The following DISP3 variants were observed in gnomAD, a reference collection of about 807,000 sequenced individuals.
DISP3 encodes the protein dispatched RND transporter family member 3, also known as protein dispatched homolog 3.
Under a neutral mutation model 135.3 loss-of-function variants are expected in DISP3, and 101 were observed. The observed-to-expected ratio is 0.75, with a 90% CI of 0.64 to 0.88. The LOEUF (loss-of-function observed/expected upper bound fraction) is 0.88, where lower values mean the gene tolerates loss of function less well. Among genes scored for constraint, DISP3 ranks in the 40% least tolerant of loss-of-function variants. The pLI, the probability that DISP3 is intolerant of heterozygous loss-of-function variation, is 0.00. For synonymous variants in DISP3, 856 were observed against 817.0 expected (o/e 1.05, Z -0.81); for missense variants, 1,713 against 1,878.6 (o/e 0.91, Z 1.63).
At chr1:11,495,535 C>A (rs940900736) in intron 1 of DISP3, among the ~76,000 whole-genome samples, 2 of 152,238 alleles carry the variant, frequency 1.3e-5, no homozygotes. Context: ...GTGAAAACTT[C>A]ATCCAGGAAT....
chr1:11,522,900 CAGAG>C (rs1557615693), intron 10 of DISP3, among the ~76,000 whole-genome samples: 3 of 49,356 alleles, frequency 6.1e-5, no homozygotes, highest in African/African-American at 1.9e-4. Flanking sequence ...AGGACCCAGC[CAGAG>C]CCCAGCCAGG....
In DISP3 at chr1:11,491,950, G is replaced by A. The variant is rs1171077964; in HGVS notation, c.-3-9040G>A. On this transcript the variant is annotated intron_variant, in intron 1 of 20. Coordinates refer to ENST00000294484, the MANE Select transcript of DISP3 (RefSeq NM_020780.2). This position sits in a 1 kb window ranked among gnomAD's most constrained non-coding sequence, Gnocchi z 4.3. Reference sequence around the variant, plus strand: ...ATCCCGGCTAAAACGGTGAAACCCCGTCTCTACTAAAAATACAAAAAATTA... The same window carrying A: ...ATCCCGGCTAAAACGGTGAAACCCCATCTCTACTAAAAATACAAAAAATTA... Among the ~76,000 whole-genome samples the A allele has an allele frequency of 6.6e-6, 1 of 150,754 alleles. No homozygotes were observed. The highest frequency in any genetic ancestry group is 1.5e-5 in the Non-Finnish European group (1 of 67,752).
chr1:11,490,675 G>A (rs1641159591), intron 1 of DISP3, among the ~76,000 whole-genome samples: 2 of 152,210 alleles, frequency 1.3e-5, no homozygotes, highest in African/African-American at 4.8e-5. Flanking sequence ...TGAGGCCTGA[G>A]TTGTGCAGGC....
intron 13 of DISP3, among the ~76,000 whole-genome samples, chr1:11,528,470 A>C (rs192349138): frequency 6.6e-6 from 1 of 152,338 alleles, no homozygotes; most frequent in East Asian, 1.9e-4. Context: ...CTGTGCTGGC[A>C]CTGTGCTAGG....
chr1:11,536,896 G>T lies in DISP3; in HGVS notation c.*210G>T. The T allele has an allele frequency of 1.5e-6, 1 of 676,742 alleles. No individual in the cohort carries two copies. The highest frequency in any genetic ancestry group is 2.4e-6 in the Non-Finnish European group (1 of 420,598). 41.9% of individuals were successfully genotyped at this position (676,742 alleles called of 1,614,324 possible). A position where few individuals can be genotyped will look rare whatever the true frequency, so the allele number is the denominator to read the frequency against. On this transcript the variant is annotated 3_prime_UTR_variant, in exon 21 of 21. Transcript: ENST00000294484. The surrounding 1 kb of genome is among the most constrained non-coding windows in gnomAD (Gnocchi z 4.3). ...AGACAGCCGCCACCCCACAGGCCGG[G>T]CTACTGGCAGCCACACTCGGCTTTT...
chr1:11,530,034 ACCATGTCC>A, intron 15 of DISP3, 75 bp downstream of exon 15: 1 of 1,552,344 alleles, frequency 6.4e-7, no homozygotes, highest in African/African-American at 1.4e-5. Context: ...TGTCCAGGGA[ACCATGTCC>A]AGCTCCTCAC....
At chr1:11,497,388 G>A (rs1641364735) in intron 1 of DISP3, among the ~76,000 whole-genome samples, 1 of 146,356 alleles carries the variant, frequency 6.8e-6, no homozygotes, top group South Asian at 2.2e-4. Context: ...AAAATCCATT[G>A]TATCATTCTT....
In DISP3 at chr1:11,526,746, G is replaced by T; in HGVS notation, c.2709G>T (p.Trp903Cys). The change falls in exon 13 of 21, where the codon TGG becomes TGT. Residue 903 changes from tryptophan to cysteine, a missense_variant. Trp to Cys is a radical substitution (Grantham distance 215, BLOSUM62 -2). Around this residue, in one of 2 missense-constraint regions of DISP3, gnomAD observed 1,142 missense variants for 1,384.6 expected, o/e 0.82. Transcript: ENST00000294484. ...LLQAASPSRK[W>C]MLTTLACDAK... ...AGGCGGCGAGCCCCTCCCGCAAGTG[G>T]ATGCTGACGACCTTGGCCTGTGATG... is the stretch of plus-strand genomic sequence containing the variant. 6.2e-7 allele frequency: 1 copy of T among 1,614,024 alleles called. No homozygotes were observed. The highest frequency in any genetic ancestry group is 2.2e-5 in the East Asian group (1 of 44,882).
rs557812916 is a variant in DISP3, at chr1:11,536,634, T to C, written c.4127T>C (p.Val1376Ala). ...AGALGLGACL[V>A]LLQSGYKIPL... The stretch of plus-strand genomic sequence containing the variant: ...GCCCTGGGGCTGGGTGCCTGCCTCG[T>C]GCTCCTGCAGAGCGGCTATAAGATT... The change falls in exon 21 of 21, where the codon GTG (valine) becomes GCG (alanine). Residue 1376 changes from valine to alanine, a missense_variant. Around this residue, in one of 2 missense-constraint regions of DISP3, gnomAD observed 1,142 missense variants for 1,384.6 expected, o/e 0.82. Transcript: ENST00000294484. The surrounding 1 kb of genome is among the most constrained non-coding windows in gnomAD (Gnocchi z 4.3). 5.0e-6 allele frequency: 8 copies of C among 1,604,324 alleles called. No individual in the cohort carries two copies. In the African/African-American group the frequency reaches 6.7e-5, roughly 13 times the overall value.
At position 11,516,925 on chromosome 1, in the gene DISP3, C is replaced by CGAGGA. The variant is rs1353875293; in HGVS notation, c.1750-537_1750-533dup. ...TGTGGATTATCCAGGGACTGAGATG[C>CGAGGA]GAGGATGATTGTGAAAGTGTTTCAC... On this transcript the variant is annotated intron_variant, in intron 6 of 20. Transcript: ENST00000294484. The surrounding 1 kb of genome is among the most constrained non-coding windows in gnomAD (Gnocchi z 5.1). Among the ~76,000 whole-genome samples the CGAGGA allele has an allele frequency of 6.6e-6, 1 of 152,138 alleles. No homozygotes were observed. Among genetic ancestry groups the CGAGGA allele is most frequent in the Non-Finnish European group, 1.5e-5 (1 of 68,034 alleles).
intron 10 of DISP3, among the ~76,000 whole-genome samples, chr1:11,523,672 G>A (rs1014221814): frequency 1.6e-4 from 24 of 151,964 alleles, no homozygotes; most frequent in African/African-American, 5.3e-4. Flanking sequence ...GGGCAGAGTG[G>A]CACAGAGAGG....
chr1:11,525,894 C>T (rs928182497), intron 12 of DISP3, among the ~76,000 whole-genome samples: 1 of 152,152 alleles, frequency 6.6e-6, no homozygotes, highest in African/African-American at 2.4e-5. Context: ...ACTGCAGCCT[C>T]GACCTCCTGG....
At chr1:11,509,555 C>A (rs191223741) in intron 3 of DISP3, among the ~76,000 whole-genome samples, 35 of 152,182 alleles carry the variant, frequency 2.3e-4, no homozygotes, top group African/African-American at 8.2e-4. Context: ...TTAGTTTTTA[C>A]TTCATGTATT....
chr1:11,480,053 C>T (rs1008474222), intron 1 of DISP3, among the ~76,000 whole-genome samples: 40 of 152,164 alleles, frequency 2.6e-4, no homozygotes, highest in African/African-American at 9.2e-4. Flanking sequence ...AGATTCCCAG[C>T]GCAAGGGGCG....
chr1:11,486,358 G>A (rs1641035763), intron 1 of DISP3, among the ~76,000 whole-genome samples: 1 of 152,182 alleles, frequency 6.6e-6, no homozygotes, highest in Admixed American at 6.5e-5. Flanking sequence ...TCAGGCTTTG[G>A]AGAAGTGTCA....
At chr1:11,523,640 T>G (rs1570133726) in intron 10 of DISP3, among the ~76,000 whole-genome samples, 2 of 125,826 alleles carry the variant, frequency 1.6e-5, no homozygotes, top group Non-Finnish European at 3.4e-5. Flanking sequence ...GGGGGCAGAG[T>G]GGCACAGAGA....
At position 11,535,602 on chromosome 1, in the gene DISP3, C is replaced by T. The variant is rs185338621; in HGVS notation, c.3774C>T (p.Gly1258=). Residue 1258 remains glycine, a synonymous_variant, in exon 20 of 21, where the codon GGC becomes GGT. Transcript: ENST00000294484. ...ATTACTGCGTCCACCTGGTCGAGGG[C>T]TACCTGCTGGCTGGAGAGAACCTGC... ...SVDYCVHLVE[G]YLLAGENLPP... 5.4e-4 allele frequency: 867 copies of T among 1,613,282 alleles called. 9 individuals are homozygous for T. Among genetic ancestry groups the T allele is most frequent in the Non-Finnish European group, 1.9e-5 (23 of 1,179,874 alleles).
rs780761759 is a variant in DISP3 at position 11,535,144 on chromosome 1, G to A, written c.3649+20G>A. 1.9e-6 allele frequency: 3 copies of A among 1,578,060 alleles called. No homozygotes were observed. The highest frequency in any genetic ancestry group is 2.6e-6 in the Non-Finnish European group (3 of 1,161,712). On this transcript the variant is annotated intron_variant, in intron 19 of 20. Transcript: ENST00000294484. ...TCTTGGGTACGTGGGCGAGGGGCTG[G>A]CAGGCACCCTGCTGGTAGGGACGGG...
chr1:11,516,516 C>T lies in DISP3; in HGVS notation c.1749+355C>T, dbSNP rs551772013. Among the ~76,000 whole-genome samples, 4 of 152,266 alleles carry T rather than the reference C, an allele frequency of 2.6e-5. No individual in the cohort carries two copies. The East Asian group carries it at 5.8e-4, about 22-fold the overall frequency. ...TATTTTCCAAAAAAGAAACTTGGCC[C>T]CTGAGAGGTAAAGTGACTTCCTCAG... On this transcript the variant is annotated intron_variant, in intron 6 of 20. Coordinates refer to ENST00000294484, the MANE Select transcript of DISP3 (RefSeq NM_020780.2). The surrounding 1 kb of genome is among the most constrained non-coding windows in gnomAD (Gnocchi z 5.1).
Sources: allele counts gnomAD v4.1 joint callset (sites outside exome capture counted in the v4.1 genomes callset), GRCh38; gene constraint gnomAD v4.1.1; regional missense constraint gnomAD v4.1.1; non-coding constraint Gnocchi (gnomAD v3.1); transcripts MANE v1.5; gene names NCBI Gene and HGNC (gene_info 2026-07-23, HGNC 2026-07-21).